The following MYO18B variants were observed in gnomAD, a reference collection of about 807,000 sequenced individuals.
The protein encoded by MYO18B is myosin XVIIIB, also known as unconventional myosin-XVIIIb.
Under a neutral mutation model 273.0 loss-of-function variants are expected in MYO18B, and 204 were observed. The ratio of observed to expected loss-of-function variants is 0.75; its 90% CI spans 0.67 to 0.84. The LOEUF is 0.84. MYO18B is among the 40% of genes least tolerant of loss of function. MYO18B has a pLI of 0.00. For missense variants in MYO18B, 3,212 were observed against 3,287.6 expected (o/e 0.98, Z 0.56); for synonymous variants, 1,330 against 1,305.7 (o/e 1.02, Z -0.40).
downstream of MYO18B, among the ~76,000 whole-genome samples, chr22:26,032,771 C>A (rs531286226): frequency 4.7e-4 from 71 of 152,170 alleles, 1 homozygote; most frequent in South Asian, 4.4e-3. Flanking sequence ...GATCCACCTG[C>A]CTTGGCCTCC....
chr22:26,026,227 T>G (rs1788402269), intron 42 of MYO18B, among the ~76,000 whole-genome samples: 1 of 152,206 alleles, frequency 6.6e-6, no homozygotes, highest in South Asian at 2.1e-4. Context: ...TTAGCTGGGT[T>G]TAATTATAGA....
chr22:25,744,561 C>T (rs1247353263), intron 1 of MYO18B, among the ~76,000 whole-genome samples: 1 of 152,036 alleles, frequency 6.6e-6, no homozygotes, highest in East Asian at 1.9e-4. Context: ...GAAACCCCGT[C>T]TCTACTAAAA....
Position 25,947,923 on chromosome 22 carries a change from T to C in MYO18B, c.5748+95T>C. 3.5e-6 allele frequency: 3 copies of C among 857,580 alleles called. No individual in the cohort carries two copies. In the South Asian group the frequency reaches 4.5e-5, roughly 13 times the overall value. The allele number at this position is 857,580 out of a possible 1,614,324, so 53.1% of individuals were successfully genotyped here. A position where few individuals can be genotyped will look rare whatever the true frequency, so the allele number is the denominator to read the frequency against. On this transcript the variant is annotated intron_variant, in intron 36 of 43. Coordinates refer to ENST00000335473, the MANE Select transcript of MYO18B (RefSeq NM_032608.7). ...GTGATGTGGTTGGACTACTCCCTGG[T>C]CTTAACATCTTGGAGGGATAAGTGC...
intron 2 of MYO18B, among the ~76,000 whole-genome samples, chr22:25,762,441 C>T (rs1046008677): frequency 6.6e-6 from 1 of 152,246 alleles, no homozygotes; most frequent in African/African-American, 2.4e-5. Context: ...CATGGGCTGT[C>T]ACTGATGCAG....
intron 39 of MYO18B, among the ~76,000 whole-genome samples, chr22:25,990,165 G>T (rs1303633024): frequency 6.6e-6 from 1 of 152,090 alleles, no homozygotes; most frequent in African/African-American, 2.4e-5. Flanking sequence ...GAAAACACTG[G>T]AAAGGCACAG....
At chr22:25,968,616 A>G (rs1033792129) in intron 39 of MYO18B, among the ~76,000 whole-genome samples, 4 of 152,070 alleles carry the variant, frequency 2.6e-5, no homozygotes, top group Non-Finnish European at 5.9e-5. Context: ...AAGAAAGGAA[A>G]TGGAGGCCGG....
chr22:25,897,031 G>A (rs1023189849), intron 28 of MYO18B: 10 of 151,888 alleles, frequency 6.6e-5, no homozygotes, highest in Non-Finnish European at 1.3e-4. Flanking sequence ...CTTCTTCCCC[G>A]AGCAATCTTT....
chr22:25,912,334 A>T (rs189674646), intron 33 of MYO18B, among the ~76,000 whole-genome samples: 6 of 152,322 alleles, frequency 3.9e-5, no homozygotes, highest in Non-Finnish European at 7.3e-5. Flanking sequence ...GCAAGAGAGC[A>T]CAGCCCAGTA....
intron 1 of MYO18B, among the ~76,000 whole-genome samples, chr22:25,755,040 C>T (rs978748494): frequency 1.3e-5 from 2 of 152,104 alleles, no homozygotes; most frequent in African/African-American, 2.4e-5. Flanking sequence ...ATTTATAATT[C>T]GGGCTTTGCT....
chr22:25,880,949 A>G (rs565789918), intron 25 of MYO18B, among the ~76,000 whole-genome samples: 1 of 152,374 alleles, frequency 6.6e-6, no homozygotes, highest in East Asian at 1.9e-4. Flanking sequence ...ACAATGTGAG[A>G]TAATATTTGT....
chr22:25,785,492 G>C lies in MYO18B; in HGVS notation c.2376+1G>C, dbSNP rs373503859. The C allele has an allele frequency of 6.2e-7, 1 of 1,612,042 alleles. No individual in the cohort carries two copies. Among genetic ancestry groups the C allele is most frequent in the Non-Finnish European group, 8.5e-7 (1 of 1,179,156 alleles). On this transcript the variant is annotated splice_donor_variant, in intron 11 of 43. Transcript: ENST00000335473. LOFTEE classifies it high-confidence loss of function. ...CTTTGGCATGGGCGTGTGGTCCAAG[G>C]TAAGGAGGAGGTCCCTCACGGGTGG...
intron 37 of MYO18B, 143 bp downstream of exon 37, chr22:25,950,593 C>T: frequency 1.7e-6 from 1 of 587,512 alleles, no homozygotes; most frequent in Non-Finnish European, 2.8e-6. Flanking sequence ...ATTTTTGAGA[C>T]AAGAGTCTCA....
chr22:25,815,117 A>G (rs2088944751), intron 12 of MYO18B, among the ~76,000 whole-genome samples: 1 of 152,254 alleles, frequency 6.6e-6, no homozygotes, highest in African/African-American at 2.4e-5. Context: ...GAGTACTCAG[A>G]AAATGCCAGC....
chr22:25,947,679 A>C, intron 35 of MYO18B, 33 bp from the exon 36 acceptor site: 1 of 1,568,378 alleles, frequency 6.4e-7, no homozygotes, highest in South Asian at 1.1e-5. Flanking sequence ...TCACCCTCTC[A>C]CCTTGCCTTG....
At chr22:25,881,542 C>T (rs2091334585) in intron 25 of MYO18B, among the ~76,000 whole-genome samples, 1 of 152,218 alleles carries the variant, frequency 6.6e-6, no homozygotes, top group South Asian at 2.1e-4. Context: ...AATTCCTTCC[C>T]ACCGAGCTGA....
intron 12 of MYO18B, among the ~76,000 whole-genome samples, chr22:25,822,730 CT>C (rs1470027118): frequency 3.3e-5 from 5 of 152,212 alleles, no homozygotes; most frequent in Non-Finnish European, 7.3e-5. Flanking sequence ...GCCGAACTCC[CT>C]GAAAAAGAAA....
intron 39 of MYO18B, among the ~76,000 whole-genome samples, chr22:25,970,084 T>G (rs543865475): frequency 6.6e-6 from 1 of 152,096 alleles, no homozygotes; most frequent in Admixed American, 6.6e-5. Context: ...TTCATCACTG[T>G]CATCATCACC....
At chr22:25,926,244 C>T (rs534124466) in intron 34 of MYO18B, among the ~76,000 whole-genome samples, 3 of 151,756 alleles carry the variant, frequency 2.0e-5, no homozygotes, top group South Asian at 4.2e-4. Context: ...ACATGTTCTG[C>T]GACCTTCACA....
chr22:25,802,981 A>ATTTT (rs1555896638), intron 12 of MYO18B, among the ~76,000 whole-genome samples: 1 of 122,554 alleles, frequency 8.2e-6, no homozygotes, highest in African/African-American at 3.2e-5. Context: ...TTTTTTTTTG[A>ATTTT]GACAGAGTCT....
Sources: allele counts gnomAD v4.1 joint callset (sites outside exome capture counted in the v4.1 genomes callset), GRCh38; gene constraint gnomAD v4.1.1; transcripts MANE v1.5; gene names NCBI Gene and HGNC (gene_info 2026-07-23, HGNC 2026-07-21).